FLOT2: variants seen among roughly 807,000 people sequenced by gnomAD.
FLOT2 encodes the protein flotillin-2.
Under a neutral mutation model 54.9 loss-of-function variants are expected in FLOT2, and 35 were observed. The ratio of observed to expected loss-of-function variants is 0.64; its 90% CI spans 0.49 to 0.84. The LOEUF is 0.84. Ranked by LOEUF, FLOT2 falls within the 40% of genes least tolerant of loss-of-function variation. FLOT2 has a pLI of 0.00. For missense variants in FLOT2, 464 were observed against 572.1 expected (o/e 0.81, Z 1.93); for synonymous variants, 207 against 228.9 (o/e 0.90, Z 0.86).
chr17:28,884,184 G>C lies in FLOT2; in HGVS notation c.222+41C>G, dbSNP rs2039503001. On this transcript the variant is annotated intron_variant, in intron 3 of 10. Transcript: ENST00000394908. This position sits in a 1 kb window ranked among gnomAD's most constrained non-coding sequence, Gnocchi z 5.1. The stretch of plus-strand genomic sequence containing the variant: ...CCCCCGAACCCGAGTACGGGACCAG[G>C]CAGCTCAACGGACATGCGCAGGGCT... 2 of 1,434,442 alleles carry C rather than the reference G, an allele frequency of 1.4e-6. No individual in the cohort carries two copies. Among genetic ancestry groups the C allele is most frequent in the African/African-American group, 2.8e-5 (2 of 71,452 alleles). The allele number at this position is 1,434,442 out of a possible 1,614,324, so 88.9% of individuals were successfully genotyped here.
intron 2 of FLOT2, among the ~76,000 whole-genome samples, chr17:28,886,622 C>T (rs2039551183): frequency 6.6e-6 from 1 of 152,172 alleles, no homozygotes; most frequent in Admixed American, 6.5e-5. Context: ...GCAAAGAAAA[C>T]AAGGTGCCTC....
intron 1 of FLOT2, among the ~76,000 whole-genome samples, chr17:28,894,616 CT>C (rs34266130): frequency 0.41 from 19,527 of 47,386 alleles, 5,065 homozygotes; most frequent in Non-Finnish European, 0.53. Context: ...AGAGCAAGAC[CT>C]TTTTTTTTTT....
Position 28,880,791 on chromosome 17 carries a change from C to T in FLOT2, c.1170G>A (p.Lys390=), listed in dbSNP as rs1338121035. 6.2e-7 allele frequency: 1 copy of T among 1,614,190 alleles called. No individual in the cohort carries two copies. Among genetic ancestry groups the T allele is most frequent in the Non-Finnish European group, 8.5e-7 (1 of 1,180,020 alleles). Residue 390 remains lysine (K), a synonymous_variant, in exon 10 of 11, where the codon AAG becomes AAA. Coordinates refer to ENST00000394908, the MANE Select transcript of FLOT2 (RefSeq NM_004475.3). ...EIVVLSGDNS[K]VTSEVNRLLA... The stretch of plus-strand genomic sequence containing the variant: ...GCAGTCGGTTCACTTCTGATGTGAC[C>T]TTACTGTTGTCTCCACTGAGGACCA...
In FLOT2 at chr17:28,882,597, A is replaced by G. The variant is rs772858892; in HGVS notation, c.441T>C (p.Ile147=). The change falls in exon 5 of 11, where the codon ATT becomes ATC. Residue 147 remains isoleucine, a synonymous_variant. Coordinates refer to ENST00000394908, the MANE Select transcript of FLOT2 (RefSeq NM_004475.3). This position sits in a 1 kb window ranked among gnomAD's most constrained non-coding sequence, Gnocchi z 5.6. ...VAAPDVGRMG[I]EILSFTIKDV... Reference sequence around the variant, plus strand: ...CCTTGATGGTGAAGCTGAGGATCTCAATGCCCATGCGGCCAACATCAGGGG... The same window carrying G: ...CCTTGATGGTGAAGCTGAGGATCTCGATGCCCATGCGGCCAACATCAGGGG... 12 of 1,612,806 alleles carry G rather than the reference A, an allele frequency of 7.4e-6. No individual in the cohort carries two copies. The South Asian group carries it at 1.2e-4, about 16-fold the overall frequency.
rs747745678 is a variant in FLOT2, at chr17:28,881,299, C to T, written c.991G>A (p.Glu331Lys). ...TCAGCCTCTGCCTTGCCCATCGCCT[C>T]GATGACTGCCGCTTCCGCCTCCCCG... ...KIGEAEAAVI[E>K]AMGKAEAERM... The change falls in exon 9 of 11, where the codon GAG becomes AAG. Residue 331 changes from glutamate to lysine, a missense_variant. By Grantham distance (56) the Glu-to-Lys change is moderately conservative. Transcript: ENST00000394908. 2.5e-6 allele frequency: 4 copies of T among 1,613,966 alleles called. No individual in the cohort carries two copies. Among genetic ancestry groups the T allele is most frequent in the African/African-American group, 1.3e-5 (1 of 74,942 alleles).
chr17:28,890,666 G>A (rs975326733), intron 1 of FLOT2, among the ~76,000 whole-genome samples: 3 of 151,960 alleles, frequency 2.0e-5, no homozygotes, highest in Admixed American at 6.6e-5. Context: ...GATTACAGGC[G>A]TGAGCCACTG....
At position 28,882,159 on chromosome 17, in the gene FLOT2, C is replaced by T. The variant is rs757325912; in HGVS notation, c.658G>A (p.Glu220Lys). ...TCACTGAAGGCTGACTTTTGCAGCT[C>T]GAAGGCTCGCTTAGAGTCAGCAATC... ...TKIADSKRAF[E>K]LQKSAFSEEV... The change falls in exon 7 of 11, where the codon GAG becomes AAG. Residue 220 changes from glutamate to lysine, a missense_variant. Coordinates refer to ENST00000394908, the MANE Select transcript of FLOT2 (RefSeq NM_004475.3). The surrounding 1 kb of genome is among the most constrained non-coding windows in gnomAD (Gnocchi z 5.6). The T allele has an allele frequency of 1.6e-5, 26 of 1,614,034 alleles. No homozygotes were observed. Among genetic ancestry groups the T allele is most frequent in the African/African-American group, 2.7e-5 (2 of 74,910 alleles).
chr17:28,882,855 A>G lies in FLOT2; in HGVS notation c.347-164T>C. ...CACTTAACACCGAGCTTCCTGCTGC[A>G]CAGTCCAGGCTGAATGAGGAAAAGT... On this transcript the variant is annotated intron_variant, in intron 4 of 10. Transcript: ENST00000394908. This position sits in a 1 kb window ranked among gnomAD's most constrained non-coding sequence, Gnocchi z 5.6. 1.5e-6 allele frequency: 1 copy of G among 652,972 alleles called. No homozygotes were observed. Among genetic ancestry groups the G allele is most frequent in the South Asian group, 1.8e-5 (1 of 54,540 alleles). The allele number at this position is 652,972 out of a possible 1,614,324, so 40.4% of individuals were successfully genotyped here. A position where few individuals can be genotyped will look rare whatever the true frequency, so the allele number is the denominator to read the frequency against.
Position 28,882,310 on chromosome 17 carries a change from G to A in FLOT2, c.579+27C>T. 6.2e-7 allele frequency: 1 copy of A among 1,613,840 alleles called. No homozygotes were observed. On this transcript the variant is annotated intron_variant, in intron 6 of 10. Transcript: ENST00000394908. This position sits in a 1 kb window ranked among gnomAD's most constrained non-coding sequence, Gnocchi z 5.6. ...GAGTCATCATGGTCCCATCACCCCTGAGCTTCCCATCCTTGAACCCACATA... is the reference window on the plus strand; with the variant it reads ...GAGTCATCATGGTCCCATCACCCCTAAGCTTCCCATCCTTGAACCCACATA...
chr17:28,889,864 T>C (rs2039615152), intron 1 of FLOT2, among the ~76,000 whole-genome samples: 1 of 152,134 alleles, frequency 6.6e-6, no homozygotes, highest in South Asian at 2.1e-4. Context: ...GGTCTCGAAC[T>C]CTTGACCTTG....
At position 28,889,014 on chromosome 17, in the gene FLOT2, C is replaced by T. The variant is rs779264562; in HGVS notation, c.62G>A (p.Gly21Asp). ...AAACACGTACTGTTTATAGTCGGAA[C>T]CACAACAGCCCCCTGGGGAGCAAAG... ...EALVVSGGCC[G>D]SDYKQYVFGG... is the part of the protein sequence containing the mutation. The change falls in exon 2 of 11, where the codon GGT becomes GAT. Residue 21 changes from glycine (G) to aspartate (D), a missense_variant. Coordinates refer to ENST00000394908, the MANE Select transcript of FLOT2 (RefSeq NM_004475.3). 20 of 1,614,096 alleles carry T rather than the reference C, an allele frequency of 1.2e-5. No homozygotes were observed. The South Asian group carries it at 1.9e-4, about 15-fold the overall frequency.
rs1186084922 is a variant in FLOT2 at position 28,884,683 on chromosome 17, C to T, written c.132-368G>A. Among the ~76,000 whole-genome samples the T allele has an allele frequency of 6.6e-6, 1 of 152,206 alleles. No individual in the cohort carries two copies. Among genetic ancestry groups the T allele is most frequent in the African/African-American group, 2.4e-5 (1 of 41,442 alleles). ...CAAGTCAGTGCTGGTCCTCCCGGCC[C>T]TGCTGTGCAGGCCATCCGTGGATGT... On this transcript the variant is annotated intron_variant, in intron 2 of 10. Transcript: ENST00000394908. This position sits in a 1 kb window ranked among gnomAD's most constrained non-coding sequence, Gnocchi z 5.1.
Position 28,883,157 on chromosome 17 carries a change from G to T in FLOT2, c.297C>A (p.Ile99=). ...EQFLGKNVQD[I]KNVVLQTLEG... is the part of the protein sequence containing the mutation. ...CCAGGGTCTGCAGGACGACGTTTTT[G>T]ATGTCCTGCACATTCTTACCCAGAA... Residue 99 remains isoleucine (I), a synonymous_variant, in exon 4 of 11, where the codon ATC becomes ATA. Transcript: ENST00000394908. This position sits in a 1 kb window ranked among gnomAD's most constrained non-coding sequence, Gnocchi z 5.0. The T allele has an allele frequency of 6.2e-7, 1 of 1,614,126 alleles. No homozygotes were observed. Among genetic ancestry groups the T allele is most frequent in the Non-Finnish European group, 8.5e-7 (1 of 1,180,018 alleles).
intron 2 of FLOT2, among the ~76,000 whole-genome samples, chr17:28,887,105 G>A (rs983460813): frequency 6.6e-6 from 1 of 152,134 alleles, no homozygotes; most frequent in African/African-American, 2.4e-5. Context: ...AGGTAAGAGG[G>A]AGAGAGCCGC....
chr17:28,886,204 T>C (rs1598094015), intron 2 of FLOT2, among the ~76,000 whole-genome samples: 1 of 152,318 alleles, frequency 6.6e-6, no homozygotes, highest in East Asian at 1.9e-4. Context: ...CCTGCTAGGC[T>C]GGGGAAGATG....
In FLOT2 at chr17:28,881,171, C is replaced by T. The variant is rs771659019; in HGVS notation, c.1098+21G>A. ...AGCAAGGACACTTGAACCCTAGGAC[C>T]CGCTTGGGTGGAAGCCTCACCTGGG... On this transcript the variant is annotated intron_variant, in intron 9 of 10. Transcript: ENST00000394908. 3.1e-6 allele frequency: 5 copies of T among 1,607,076 alleles called. No individual in the cohort carries two copies. In the East Asian group the frequency reaches 1.1e-4, roughly 36 times the overall value.
chr17:28,889,060 G>T (rs752165664), intron 1 of FLOT2, 34 bp from the exon 2 acceptor site: 24 of 1,590,906 alleles, frequency 1.5e-5, no homozygotes, highest in Non-Finnish European at 1.5e-5. Context: ...CAAGTCAGTC[G>T]GTTCTTGGGT....
Position 28,897,412 on chromosome 17 carries a change from C to T in FLOT2, c.49+114G>A, listed in dbSNP as rs1306084754. Reference sequence around the variant, plus strand: ...GGGGCCTCAGGTGCGGCCCGGGGGCCAGCGCCCTGCGCCGCGCGGTGGACT... The same window carrying T: ...GGGGCCTCAGGTGCGGCCCGGGGGCTAGCGCCCTGCGCCGCGCGGTGGACT... On this transcript the variant is annotated intron_variant, in intron 1 of 10. Coordinates refer to ENST00000394908, the MANE Select transcript of FLOT2 (RefSeq NM_004475.3). This position sits in a 1 kb window ranked among gnomAD's most constrained non-coding sequence, Gnocchi z 4.4. 1.9e-6 allele frequency: 2 copies of T among 1,048,302 alleles called. No individual in the cohort carries two copies. The highest frequency in any genetic ancestry group is 2.4e-4 in the Middle Eastern group (1 of 4,168). The allele number at this position is 1,048,302 out of a possible 1,614,324, so 64.9% of individuals were successfully genotyped here.
intron 2 of FLOT2, chr17:28,886,123 A>G (rs1332640894): frequency 4.6e-6 from 3 of 646,008 alleles, no homozygotes; most frequent in East Asian, 5.4e-5. Context: ...GCTGCAGGAC[A>G]GCAGCGACCT....
Sources: allele counts gnomAD v4.1 joint callset (sites outside exome capture counted in the v4.1 genomes callset), GRCh38; gene constraint gnomAD v4.1.1; non-coding constraint Gnocchi (gnomAD v3.1); transcripts MANE v1.5; gene names NCBI Gene and HGNC (gene_info 2026-07-23, HGNC 2026-07-21).